The following ENTREP2 variants were observed in gnomAD, a reference collection of about 807,000 sequenced individuals.
ENTREP2 encodes the protein endosomal transmembrane epsin interactor 2, also known as protein ENTREP2.
the ENTREP2 span, among the ~76,000 whole-genome samples, chr15:29,274,393 A>T: frequency 6.6e-6 from 1 of 152,216 alleles, no homozygotes; most frequent in Non-Finnish European, 1.5e-5. Context: ...GCCTCCAGAG[A>T]GTGGGCTTTT....
chr15:29,593,660 C>T, the ENTREP2 span, among the ~76,000 whole-genome samples: 3 of 152,226 alleles, frequency 2.0e-5, no homozygotes, highest in Non-Finnish European at 4.4e-5. Context: ...GTCCTTGCCT[C>T]CTCCAATCTA....
the ENTREP2 span, among the ~76,000 whole-genome samples, chr15:29,649,139 T>C: frequency 2.0e-5 from 3 of 151,302 alleles, no homozygotes; most frequent in East Asian, 5.9e-4. Flanking sequence ...GCTATGGGAC[T>C]GAAGGAATAG....
chr15:29,305,070 G>A, the ENTREP2 span, among the ~76,000 whole-genome samples: 3 of 152,182 alleles, frequency 2.0e-5, no homozygotes, highest in African/African-American at 2.4e-5. Flanking sequence ...TGAGCTCCAT[G>A]AGGGCTGAGA....
At chr15:29,465,804 A>C in the ENTREP2 span, among the ~76,000 whole-genome samples, 1 of 152,238 alleles carries the variant, frequency 6.6e-6, no homozygotes, top group African/African-American at 2.4e-5. Context: ...ATTGCCTAAC[A>C]CTAACATTTA....
the ENTREP2 span, among the ~76,000 whole-genome samples, chr15:29,574,227 T>C: frequency 2.0e-5 from 3 of 152,242 alleles, no homozygotes; most frequent in Admixed American, 2.0e-4. Context: ...AACCAAGTTA[T>C]GGCTTTTATT....
At chr15:29,301,040 G>C in the ENTREP2 span, among the ~76,000 whole-genome samples, 1 of 152,218 alleles carries the variant, frequency 6.6e-6, no homozygotes, top group East Asian at 1.9e-4. Flanking sequence ...GAGAAGGACT[G>C]AAATACAGGT....
chr15:29,645,589 G>A, the ENTREP2 span, among the ~76,000 whole-genome samples: 2,298 of 151,864 alleles, frequency 0.015, 52 homozygotes, highest in African/African-American at 0.052. Flanking sequence ...ACAGAGTCTC[G>A]CTCTGTCACC....
chr15:29,310,737 TG>T, the ENTREP2 span, among the ~76,000 whole-genome samples: 5 of 151,864 alleles, frequency 3.3e-5, no homozygotes, highest in African/African-American at 1.2e-4. Flanking sequence ...AGCTTGAAAA[TG>T]GGGAAAGAAA....
the ENTREP2 span, among the ~76,000 whole-genome samples, chr15:29,527,243 GCT>G: frequency 6.6e-6 from 1 of 152,002 alleles, no homozygotes. Flanking sequence ...GCACCTGCTC[GCT>G]CTGTTTCATC....
the ENTREP2 span, among the ~76,000 whole-genome samples, chr15:29,657,016 C>G: frequency 1.1e-4 from 17 of 152,138 alleles, no homozygotes; most frequent in African/African-American, 4.1e-4. Flanking sequence ...TCGCTGCCTT[C>G]AAGAACGAAG....
the ENTREP2 span, among the ~76,000 whole-genome samples, chr15:29,550,640 A>G: frequency 2.0e-5 from 3 of 152,220 alleles, no homozygotes; most frequent in Non-Finnish European, 2.9e-5. Context: ...TGTTTTTAAA[A>G]AGCTAAAATC....
chr15:29,516,541 C>T, the ENTREP2 span, among the ~76,000 whole-genome samples: 1 of 151,818 alleles, frequency 6.6e-6, no homozygotes, highest in African/African-American at 2.4e-5. Flanking sequence ...AAAACTTGGA[C>T]AAGAAGAACA....
the ENTREP2 span, among the ~76,000 whole-genome samples, chr15:29,656,392 GTTT>G: frequency 6.6e-6 from 1 of 152,010 alleles, no homozygotes; most frequent in Non-Finnish European, 1.5e-5. Flanking sequence ...CAGCCGGGTA[GTTT>G]TTCGTATTTT....
chr15:29,463,552 A>G, the ENTREP2 span, among the ~76,000 whole-genome samples: 2 of 151,992 alleles, frequency 1.3e-5, 1 homozygote, highest in Middle Eastern at 6.8e-3. Context: ...AGAGAGACGG[A>G]AGTAACCAAA....
chr15:29,459,095 C>T, the ENTREP2 span, among the ~76,000 whole-genome samples: 3 of 152,182 alleles, frequency 2.0e-5, no homozygotes, highest in Non-Finnish European at 2.9e-5. Context: ...ACTCTTTCTC[C>T]GACCCATCCA....
chr15:29,662,532 A>G, the ENTREP2 span, among the ~76,000 whole-genome samples: 1 of 152,012 alleles, frequency 6.6e-6, no homozygotes, highest in Non-Finnish European at 1.5e-5. Flanking sequence ...CAGGTCCACC[A>G]TTTTAGTGCA....
chr15:29,323,862 C>G, the ENTREP2 span, among the ~76,000 whole-genome samples: 2 of 152,010 alleles, frequency 1.3e-5, no homozygotes, highest in Admixed American at 1.3e-4. Flanking sequence ...AATTTTTTCC[C>G]AAACAGTACC....
chr15:29,557,879 C>T, the ENTREP2 span, among the ~76,000 whole-genome samples: 28 of 152,264 alleles, frequency 1.8e-4, no homozygotes, highest in African/African-American at 6.5e-4. Context: ...CTGTGCCAAC[C>T]GCTCATGCCT....
the ENTREP2 span, among the ~76,000 whole-genome samples, chr15:29,188,202 G>A: frequency 9.2e-5 from 14 of 152,058 alleles, no homozygotes; most frequent in Admixed American, 7.9e-4. Flanking sequence ...TGAGTGACAG[G>A]GGCACTAGGT....
Sources: gnomAD v4.1 joint callset for allele counts (sites outside exome capture counted in the v4.1 genomes callset) on GRCh38, gnomAD v4.1.1 for gene constraint, MANE v1.5 for transcripts, NCBI Gene and HGNC (gene_info 2026-07-23, HGNC 2026-07-21) for gene names.